Variants in RAB38 observed in about 807,000 individuals in gnomAD.
RAB38 encodes ras-related protein Rab-38.
A neutral mutation model predicts 18.4 loss-of-function variants in RAB38; 15 were observed. The ratio of observed to expected loss-of-function variants is 0.82; its 90% CI spans 0.55 to 1.26. The LOEUF (loss-of-function observed/expected upper bound fraction) is 1.26. RAB38 is among the 50% of genes most tolerant of loss of function. The pLI, the probability that RAB38 is intolerant of heterozygous loss-of-function variation, is 0.00. For missense variants in RAB38, 294 were observed against 267.4 expected (o/e 1.10, Z -0.69); for synonymous variants, 101 against 104.4 (o/e 0.97, Z 0.20).
At chr11:88,027,070 ACAAT>A in the RAB38 span, among the ~76,000 whole-genome samples, 1 of 152,192 alleles carries the variant, frequency 6.6e-6, no homozygotes, top group East Asian at 1.9e-4. Context: ...ATTTTTGATA[ACAAT>A]CAGACCATTA....
chr11:88,134,180 T>C (rs1296956748), intron 2 of RAB38, among the ~76,000 whole-genome samples: 2 of 152,134 alleles, frequency 1.3e-5, no homozygotes, highest in African/African-American at 4.8e-5. Context: ...GAATCTTGTA[T>C]CTCTTACCCA....
At chr11:88,075,894 C>CAAAAAAAAAAAAAAAA in the RAB38 span, among the ~76,000 whole-genome samples, 2 of 127,274 alleles carry the variant, frequency 1.6e-5, no homozygotes, top group Admixed American at 7.8e-5. Context: ...AAAAAGAAAA[C>CAAAAAAAAAAAAAAAA]AAAAAAAAAA....
chr11:88,045,853 C>A, the RAB38 span, among the ~76,000 whole-genome samples: 2 of 152,142 alleles, frequency 1.3e-5, no homozygotes, highest in Non-Finnish European at 2.9e-5. Flanking sequence ...GGCTTCTAAA[C>A]CTCTTAAAAC....
At chr11:88,055,059 T>C in the RAB38 span, among the ~76,000 whole-genome samples, 1 of 152,212 alleles carries the variant, frequency 6.6e-6, no homozygotes, top group East Asian at 1.9e-4. Flanking sequence ...ACACTGGCTA[T>C]TGAGAATTTA....
At chr11:87,916,797 C>T in the RAB38 span, among the ~76,000 whole-genome samples, 5 of 152,096 alleles carry the variant, frequency 3.3e-5, no homozygotes, top group African/African-American at 1.2e-4. Context: ...TTTTCAAAAT[C>T]CAGTCTATTG....
the RAB38 span, among the ~76,000 whole-genome samples, chr11:87,845,473 C>A: frequency 1.1e-4 from 17 of 151,914 alleles, no homozygotes; most frequent in African/African-American, 3.1e-4. Context: ...TGGATAGACT[C>A]AAAAGCAAAA....
rs1354329446 is a variant in RAB38, at chr11:88,172,453, G to C, written c.202+2730C>G. Among the ~76,000 whole-genome samples, 3 of 152,190 alleles carry C rather than the reference G, an allele frequency of 2.0e-5. No individual in the cohort carries two copies. The East Asian group carries it at 5.8e-4, about 29-fold the overall frequency. Reference sequence around the variant, plus strand: ...TGGCATTGAACCAAATGAGTATCAAGAGTCTAGCTGAGCCAAGATTCCCTT... The same window carrying C: ...TGGCATTGAACCAAATGAGTATCAACAGTCTAGCTGAGCCAAGATTCCCTT... On this transcript the variant is annotated intron_variant, in intron 1 of 2. Transcript: ENST00000243662.
At chr11:87,977,363 T>A in the RAB38 span, among the ~76,000 whole-genome samples, 1 of 114,640 alleles carries the variant, frequency 8.7e-6, no homozygotes, top group African/African-American at 3.4e-5. Flanking sequence ...TATAAGTATA[T>A]TATAAAATTA....
At chr11:87,966,932 T>C in the RAB38 span, among the ~76,000 whole-genome samples, 1 of 152,172 alleles carries the variant, frequency 6.6e-6, no homozygotes, top group Non-Finnish European at 1.5e-5. Flanking sequence ...CAAATAAAGC[T>C]TCTAAGTTCC....
chr11:88,013,246 C>T, the RAB38 span, among the ~76,000 whole-genome samples: 1 of 152,102 alleles, frequency 6.6e-6, no homozygotes, highest in African/African-American at 2.4e-5. Context: ...AAAATTGGAA[C>T]AAAGAAATAA....
chr11:87,813,501 A>T, the RAB38 span, among the ~76,000 whole-genome samples: 2 of 13,922 alleles, frequency 1.4e-4, no homozygotes, highest in Non-Finnish European at 6.2e-4. Flanking sequence ...CATACACATC[A>T]CACACACACA....
the RAB38 span, among the ~76,000 whole-genome samples, chr11:87,925,444 A>G: frequency 0.013 from 2,016 of 152,160 alleles, 109 homozygotes; most frequent in Admixed American, 0.098. Flanking sequence ...ATTTTACACT[A>G]TAATTGTTTT....
At chr11:88,116,178 A>G (rs1207228684) in intron 2 of RAB38, among the ~76,000 whole-genome samples, 2 of 152,322 alleles carry the variant, frequency 1.3e-5, no homozygotes, top group African/African-American at 4.8e-5. Context: ...GAACGGACCC[A>G]GCTCAACACT....
At position 88,156,811 on chromosome 11, in the gene RAB38, A is replaced by G. The variant is rs116481803; in HGVS notation, c.203-6856T>C. ...CTAAGGGAATCTGTTACCACTAGACAAGCCTTACAAGAAATCTTTATGGGA... is the reference window on the plus strand; with the variant it reads ...CTAAGGGAATCTGTTACCACTAGACGAGCCTTACAAGAAATCTTTATGGGA... On this transcript the variant is annotated intron_variant, in intron 1 of 2. Transcript: ENST00000243662. Among the ~76,000 whole-genome samples, 708 of 152,360 alleles carry G rather than the reference A, an allele frequency of 4.6e-3. 6 individuals are homozygous for G. Among genetic ancestry groups the G allele is most frequent in the African/African-American group, 0.013 (554 of 41,582 alleles).
the RAB38 span, among the ~76,000 whole-genome samples, chr11:88,074,682 A>T: frequency 4.6e-5 from 7 of 152,204 alleles, no homozygotes; most frequent in African/African-American, 1.7e-4. Flanking sequence ...AAACAACGAA[A>T]TGGCAGTAAC....
chr11:87,949,784 T>G, the RAB38 span, among the ~76,000 whole-genome samples: 4 of 152,208 alleles, frequency 2.6e-5, no homozygotes, highest in African/African-American at 9.7e-5. Context: ...TTCTTTTACA[T>G]TTGCTAAGGA....
At chr11:88,059,843 G>A in the RAB38 span, among the ~76,000 whole-genome samples, 2 of 151,636 alleles carry the variant, frequency 1.3e-5, no homozygotes, top group African/African-American at 2.4e-5. Flanking sequence ...CCCAGGCCAG[G>A]AGGAAGGCCA....
the RAB38 span, among the ~76,000 whole-genome samples, chr11:88,018,372 T>C: frequency 6.6e-6 from 1 of 152,102 alleles, no homozygotes; most frequent in Non-Finnish European, 1.5e-5. Context: ...TCTACTGAAT[T>C]CCCCCCACTA....
At chr11:87,964,714 GA>G in the RAB38 span, among the ~76,000 whole-genome samples, 3 of 150,372 alleles carry the variant, frequency 2.0e-5, no homozygotes, top group Non-Finnish European at 4.4e-5. Flanking sequence ...AATGGGCTAG[GA>G]AAAAAAAATT....
Sources: gnomAD v4.1 joint callset for allele counts (sites outside exome capture counted in the v4.1 genomes callset) on GRCh38, gnomAD v4.1.1 for gene constraint, MANE v1.5 for transcripts, NCBI Gene and HGNC (gene_info 2026-07-23, HGNC 2026-07-21) for gene names.